Variants in NALF1 observed in about 807,000 individuals in gnomAD.
NALF1 encodes the protein family with sequence similarity 155 member A.
Under a neutral mutation model 48.4 loss-of-function variants are expected in NALF1, and 3 were observed. The ratio of observed to expected loss-of-function variants is 0.06; its 90% CI spans 0.03 to 0.16. The LOEUF (loss-of-function observed/expected upper bound fraction) is 0.16, where lower values mean the gene tolerates loss of function less well. Among genes scored for constraint, NALF1 ranks in the 10% least tolerant of loss-of-function variants. The pLI, the probability that NALF1 is intolerant of heterozygous loss-of-function variation, is 1.00. For synonymous variants in NALF1, 262 were observed against 245.7 expected, an observed-to-expected ratio of 1.07 and a Z score of -0.62; for missense variants, 526 against 571.5, an observed-to-expected ratio of 0.92 and a Z score of 0.81.
At chr13:107,525,031 CA>C (rs1382141286) in intron 1 of NALF1, among the ~76,000 whole-genome samples, 3 of 152,032 alleles carry the variant, frequency 2.0e-5, no homozygotes, top group Non-Finnish European at 1.5e-5. Flanking sequence ...TCCTTGTTTT[CA>C]ACATGGGGTT....
chr13:107,293,256 A>G (rs970480399), intron 1 of NALF1, among the ~76,000 whole-genome samples: 4 of 152,120 alleles, frequency 2.6e-5, no homozygotes, highest in East Asian at 3.9e-4. Flanking sequence ...CTAGGATTAC[A>G]GGTGTGAGCC....
intron 2 of NALF1, among the ~76,000 whole-genome samples, chr13:107,198,322 G>C (rs1056229709): frequency 6.6e-6 from 1 of 152,126 alleles, no homozygotes; most frequent in African/African-American, 2.4e-5. Flanking sequence ...ATTGCAAATT[G>C]ATTGTGCTTC....
At chr13:107,243,085 C>T (rs1474102945) in intron 1 of NALF1, among the ~76,000 whole-genome samples, 1 of 152,128 alleles carries the variant, frequency 6.6e-6, no homozygotes, top group Admixed American at 6.5e-5. Flanking sequence ...TCAAGCCCTT[C>T]CTGTCCACTC....
chr13:107,193,800 A>C (rs1879330053), intron 2 of NALF1, among the ~76,000 whole-genome samples: 1 of 152,170 alleles, frequency 6.6e-6, no homozygotes, highest in Non-Finnish European at 1.5e-5. Flanking sequence ...TAAACAGAGA[A>C]GTTAAGACCT....
intron 1 of NALF1, among the ~76,000 whole-genome samples, chr13:107,323,673 C>G (rs1203813522): frequency 6.6e-6 from 1 of 152,166 alleles, no homozygotes; most frequent in Non-Finnish European, 1.5e-5. Flanking sequence ...AGTACCTGTA[C>G]TACAGTCGAC....
At chr13:107,314,943 C>T (rs1882116690) in intron 1 of NALF1, among the ~76,000 whole-genome samples, 1 of 152,118 alleles carries the variant, frequency 6.6e-6, no homozygotes. Flanking sequence ...AATCTGAAAG[C>T]ATTTTCACTG....
chr13:107,337,837 T>C (rs1436336122), intron 1 of NALF1, among the ~76,000 whole-genome samples: 5 of 152,188 alleles, frequency 3.3e-5, no homozygotes, highest in African/African-American at 1.2e-4. Flanking sequence ...TCTCTAAGCC[T>C]CTATTGTCTT....
chr13:107,534,714 G>A (rs1876750364), intron 1 of NALF1, among the ~76,000 whole-genome samples: 1 of 152,140 alleles, frequency 6.6e-6, no homozygotes, highest in Admixed American at 6.6e-5. Flanking sequence ...CAGTGCTGAT[G>A]CTGACTGTAT....
At chr13:107,405,178 A>C (rs897118401) in intron 1 of NALF1, among the ~76,000 whole-genome samples, 3 of 152,086 alleles carry the variant, frequency 2.0e-5, no homozygotes, top group African/African-American at 7.2e-5. Flanking sequence ...CCAAAAATTG[A>C]GGCACCATGT....
At position 107,487,516 on chromosome 13, in the gene NALF1, A is replaced by G. The variant is rs75766583; in HGVS notation, c.916-276761T>C. On this transcript the variant is annotated intron_variant, in intron 1 of 2. Transcript: ENST00000375915. ...CATGCACAAGACCTGTGGAGTGGACATGTGTATCCACTGGGTGATAAACAC... is the reference window on the plus strand; with the variant it reads ...CATGCACAAGACCTGTGGAGTGGACGTGTGTATCCACTGGGTGATAAACAC... Among the ~76,000 whole-genome samples, 1,061 of 152,296 alleles carry G rather than the reference A, an allele frequency of 7.0e-3. 40 individuals are homozygous for G. In the East Asian group the frequency reaches 0.11, roughly 16 times the overall value.
intron 1 of NALF1, among the ~76,000 whole-genome samples, chr13:107,810,053 A>G (rs1878940951): frequency 6.6e-6 from 1 of 151,918 alleles, no homozygotes; most frequent in Non-Finnish European, 1.5e-5. Flanking sequence ...TATTTCATCT[A>G]GCTTTCTTCT....
intron 1 of NALF1, among the ~76,000 whole-genome samples, chr13:107,777,837 T>C (rs1282686661): frequency 6.6e-6 from 1 of 152,164 alleles, no homozygotes. Flanking sequence ...TTATTGAAAC[T>C]TGAGGGGAAA....
chr13:107,833,173 T>C (rs1879791885), intron 1 of NALF1, among the ~76,000 whole-genome samples: 1 of 152,122 alleles, frequency 6.6e-6, no homozygotes. Context: ...ACTTTGAACA[T>C]ACGAAGACAC....
In NALF1 at chr13:107,737,011, A is replaced by G. The variant is rs142902349; in HGVS notation, c.915+128671T>C. Reference sequence around the variant, plus strand: ...CTAATTACACATATTTCCATGAATTATAACTGGGTGTTTTATCTGTTCAAC... The same window carrying G: ...CTAATTACACATATTTCCATGAATTGTAACTGGGTGTTTTATCTGTTCAAC... On this transcript the variant is annotated intron_variant, in intron 1 of 2. Coordinates refer to ENST00000375915, the MANE Select transcript of NALF1 (RefSeq NM_001080396.3). 2.9e-3 allele frequency among the ~76,000 whole-genome samples: 447 copies of G among 152,328 alleles called. 2 individuals carry two copies. The highest frequency in any genetic ancestry group is 0.01 in the African/African-American group (421 of 41,566).
At chr13:107,569,645 C>T (rs1197690953) in intron 1 of NALF1, among the ~76,000 whole-genome samples, 1 of 152,154 alleles carries the variant, frequency 6.6e-6, no homozygotes, top group African/African-American at 2.4e-5. Flanking sequence ...CTGCATCTAT[C>T]GAGTAAGATC....
intron 1 of NALF1, among the ~76,000 whole-genome samples, chr13:107,724,922 A>G (rs1287207383): frequency 3.9e-5 from 6 of 152,120 alleles, no homozygotes; most frequent in Admixed American, 6.5e-5. Flanking sequence ...AGCTCTACAA[A>G]CAATGAATAT....
At chr13:107,478,642 A>G (rs1399817222) in intron 1 of NALF1, among the ~76,000 whole-genome samples, 1 of 144,506 alleles carries the variant, frequency 6.9e-6, no homozygotes, top group Non-Finnish European at 1.6e-5. Flanking sequence ...AAAGAGTTCA[A>G]CAAAGAGAGT....
At chr13:107,644,638 CATACATACATATAT>C (rs1880256586) in intron 1 of NALF1, among the ~76,000 whole-genome samples, 1 of 43,336 alleles carries the variant, frequency 2.3e-5, no homozygotes, top group Non-Finnish European at 5.1e-5. Context: ...TACATACATA[CATACATACATATAT>C]ATATATATAT....
At chr13:107,689,389 T>G (rs1594208637) in intron 1 of NALF1, among the ~76,000 whole-genome samples, 1 of 152,304 alleles carries the variant, frequency 6.6e-6, no homozygotes. Flanking sequence ...CTACTTTCTT[T>G]TTAGGATCCT....
Sources: gnomAD v4.1 joint callset for allele counts (sites outside exome capture counted in the v4.1 genomes callset) on GRCh38, gnomAD v4.1.1 for gene constraint, MANE v1.5 for transcripts, NCBI Gene and HGNC (gene_info 2026-07-23, HGNC 2026-07-21) for gene names.